The following DRG2 variants were observed in gnomAD, a reference collection of about 807,000 sequenced individuals.
DRG2 encodes the protein developmentally regulated GTP binding protein 2, also known as developmentally-regulated GTP-binding protein 2.
DRG2 carries 36 observed loss-of-function variants against 53.4 expected under a neutral mutation model. The observed-to-expected ratio is 0.67, with a 90% confidence interval of 0.52 to 0.89. The LOEUF is 0.89. Among genes scored for constraint, DRG2 ranks in the 40% least tolerant of loss-of-function variants. The pLI is 0.00. For missense variants in DRG2, 342 were observed against 481.2 expected (o/e 0.71, Z 2.71); for synonymous variants, 167 against 192.1 (o/e 0.87, Z 1.08).
Position 18,100,917 on chromosome 17 carries a change from T to G in DRG2, c.631+258T>G, listed in dbSNP as rs984013609. The stretch of plus-strand genomic sequence containing the variant: ...TGACATCCGGAAGAAAAAGATGTCA[T>G]GGGAAACAGCCTCTGAGGACGGGGG... On this transcript the variant is annotated intron_variant, in intron 7 of 12. Transcript: ENST00000225729. The surrounding 1 kb of genome is among the most constrained non-coding windows in gnomAD (Gnocchi z 4.1). Among the ~76,000 whole-genome samples, 1 of 152,086 alleles carries G rather than the reference T, an allele frequency of 6.6e-6. No individual in the cohort carries two copies. The highest frequency in any genetic ancestry group is 1.9e-4 in the East Asian group (1 of 5,184).
chr17:18,096,437 A>G, intron 2 of DRG2: 1 of 152,134 alleles, frequency 6.6e-6, no homozygotes, highest in Non-Finnish European at 1.5e-5. Flanking sequence ...AACCCATACC[A>G]TGTTCTTTTG....
chr17:18,104,152 A>G (rs1367965409), intron 10 of DRG2, among the ~76,000 whole-genome samples: 4 of 152,012 alleles, frequency 2.6e-5, no homozygotes, highest in Non-Finnish European at 5.9e-5. Flanking sequence ...CTACCGCAGG[A>G]GCATTAGGGA....
At position 18,103,459 on chromosome 17, in the gene DRG2, G is replaced by T. The variant is rs547261059; in HGVS notation, c.807-342G>T. ...GCTCCTCTCAAGGAGTGAACTCTGG[G>T]TGTCAGGGTTCCTAGCCTTTGCCCA... On this transcript the variant is annotated intron_variant, in intron 9 of 12. Coordinates refer to ENST00000225729, the MANE Select transcript of DRG2 (RefSeq NM_001388.5). This position sits in a 1 kb window ranked among gnomAD's most constrained non-coding sequence, Gnocchi z 4.4. Among the ~76,000 whole-genome samples the T allele has an allele frequency of 6.6e-6, 1 of 152,116 alleles. No individual in the cohort carries two copies. The highest frequency in any genetic ancestry group is 2.4e-5 in the African/African-American group (1 of 41,408).
Position 18,103,908 on chromosome 17 carries a change from A to G in DRG2, c.895+19A>G. On this transcript the variant is annotated intron_variant, in intron 10 of 12. Coordinates refer to ENST00000225729, the MANE Select transcript of DRG2 (RefSeq NM_001388.5). The surrounding 1 kb of genome is among the most constrained non-coding windows in gnomAD (Gnocchi z 4.4). ...AGAGGACGTGAGTTGCACTGCGCGT[A>G]GCTGAAAAACAGGCTGAGCTTCATC... The G allele has an allele frequency of 6.2e-7, 1 of 1,612,750 alleles. No homozygotes were observed. Among genetic ancestry groups the G allele is most frequent in the Non-Finnish European group, 8.5e-7 (1 of 1,178,916 alleles).
At chr17:18,093,998 C>T (rs1251168434) in intron 2 of DRG2, 25 bp downstream of exon 2, 10 of 1,596,282 alleles carry the variant, frequency 6.3e-6, no homozygotes, top group African/African-American at 2.7e-5. Context: ...GTGTGGGCCT[C>T]GGGGAGGAAA....
chr17:18,096,726 G>A (rs1205542369), intron 2 of DRG2: 3 of 151,556 alleles, frequency 2.0e-5, no homozygotes, highest in African/African-American at 7.3e-5. Flanking sequence ...GCAGGGCAAA[G>A]TGAAGTGGGA....
intron 11 of DRG2, 44 bp downstream of exon 11, chr17:18,104,725 A>G (rs564569751): frequency 1.2e-6 from 2 of 1,613,256 alleles, no homozygotes; most frequent in Non-Finnish European, 1.7e-6. Flanking sequence ...GGAGCTCTGC[A>G]TGCCCTTTGG....
rs2045504521 is a variant in DRG2 at position 18,100,162 on chromosome 17, A to C, written c.468-201A>C. 1.7e-5 allele frequency: 11 copies of C among 629,286 alleles called. No individual in the cohort carries two copies. The South Asian group carries it at 2.1e-4, about 12-fold the overall frequency. 39.0% of individuals were successfully genotyped at this position (629,286 alleles called of 1,614,324 possible). ...GTGCATGCCGACCGTAAACCGGGCC[A>C]GTCCCCTCTGGGACTGTGGCAGAGT... is the stretch of plus-strand genomic sequence containing the variant. On this transcript the variant is annotated intron_variant, in intron 5 of 12. Transcript: ENST00000225729. The surrounding 1 kb of genome is among the most constrained non-coding windows in gnomAD (Gnocchi z 4.1).
intron 1 of DRG2, among the ~76,000 whole-genome samples, chr17:18,089,999 G>A (rs2045285713): frequency 6.6e-6 from 1 of 152,000 alleles, no homozygotes; most frequent in African/African-American, 2.4e-5. Context: ...TCTGGCTGCT[G>A]TAATATTCCA....
chr17:18,106,902 A>G (rs1029761803), intron 12 of DRG2, among the ~76,000 whole-genome samples: 3 of 152,068 alleles, frequency 2.0e-5, no homozygotes, highest in Admixed American at 1.3e-4. Flanking sequence ...GGCTGTCTCA[A>G]ACACCTGAGC....
chr17:18,099,231 A>G lies in DRG2; in HGVS notation c.376+154A>G. On this transcript the variant is annotated intron_variant, in intron 4 of 12. Transcript: ENST00000225729. The surrounding 1 kb of genome is among the most constrained non-coding windows in gnomAD (Gnocchi z 4.4). ...TTCCAGTTCAAATCCTTGGCACCAA[A>G]CTAGCCTTGTGATCTTGGGCAAGTG... is the stretch of plus-strand genomic sequence containing the variant. 2.1e-6 allele frequency: 2 copies of G among 975,512 alleles called. No homozygotes were observed. Among genetic ancestry groups the G allele is most frequent in the Non-Finnish European group, 3.0e-6 (2 of 661,150 alleles). 60.4% of individuals were successfully genotyped at this position (975,512 alleles called of 1,614,324 possible).
intron 1 of DRG2, 122 bp from the exon 2 acceptor site, chr17:18,093,691 T>C: frequency 8.6e-7 from 1 of 1,157,080 alleles, no homozygotes; most frequent in Non-Finnish European, 1.2e-6. Context: ...TTTTTTTTTT[T>C]CTCCTGATCT....
In DRG2 at chr17:18,103,400, C is replaced by CTG. The variant is rs1232071736; in HGVS notation, c.807-400_807-399dup. Reference sequence around the variant, plus strand: ...GAGCCTTGGTTCTCCCCTCTTCTTGCTGAAATCCCTGCTGGACTTCCTGGC... The same window carrying CTG: ...GAGCCTTGGTTCTCCCCTCTTCTTGCTGTGAAATCCCTGCTGGACTTCCTGGC... On this transcript the variant is annotated intron_variant, in intron 9 of 12. Transcript: ENST00000225729. The surrounding 1 kb of genome is among the most constrained non-coding windows in gnomAD (Gnocchi z 4.4). 1.3e-5 allele frequency among the ~76,000 whole-genome samples: 2 copies of CTG among 152,174 alleles called. No individual in the cohort carries two copies. The highest frequency in any genetic ancestry group is 1.3e-4 in the Admixed American group (2 of 15,276).
intron 10 of DRG2, among the ~76,000 whole-genome samples, chr17:18,104,396 A>G (rs1442570554): frequency 6.6e-6 from 1 of 152,182 alleles, no homozygotes; most frequent in Non-Finnish European, 1.5e-5. Context: ...GGTGGCAGGC[A>G]CTGTGAATCC....
At chr17:18,089,729 A>AC (rs1269093874) in intron 1 of DRG2, among the ~76,000 whole-genome samples, 1 of 152,136 alleles carries the variant, frequency 6.6e-6, no homozygotes, top group Non-Finnish European at 1.5e-5. Flanking sequence ...AAAAGAAGGA[A>AC]CCGGTCACGC....
chr17:18,098,931 G>A lies in DRG2; in HGVS notation c.316-86G>A. ...GTTTCCCTCAGCCCCTGAGCCCCGGGGCCATTCCAGATGTCCCAGATCCAG... is the reference window on the plus strand; with the variant it reads ...GTTTCCCTCAGCCCCTGAGCCCCGGAGCCATTCCAGATGTCCCAGATCCAG... On this transcript the variant is annotated intron_variant, in intron 3 of 12. Coordinates refer to ENST00000225729, the MANE Select transcript of DRG2 (RefSeq NM_001388.5). The surrounding 1 kb of genome is among the most constrained non-coding windows in gnomAD (Gnocchi z 4.1). The A allele has an allele frequency of 6.6e-7, 1 of 1,506,548 alleles. No individual in the cohort carries two copies. Among genetic ancestry groups the A allele is most frequent in the Admixed American group, 1.7e-5 (1 of 57,830 alleles). 93.3% of individuals were successfully genotyped at this position (1,506,548 alleles called of 1,614,324 possible).
Position 18,099,720 on chromosome 17 carries a change from A to G in DRG2, c.464A>G (p.Gln155Arg). ...MMLDATKGEV[Q>R]RSLLEKELES... Reference sequence around the variant, plus strand: ...CTGGATGCCACCAAGGGAGAGGTGCAGAGGTCCGCAGGGTGGGGCATGGGG... The same window carrying G: ...CTGGATGCCACCAAGGGAGAGGTGCGGAGGTCCGCAGGGTGGGGCATGGGG... Residue 155 changes from glutamine (Q) to arginine (R), a missense_variant, in exon 5 of 13, where the codon CAG becomes CGG. Transcript: ENST00000225729. The surrounding 1 kb of genome is among the most constrained non-coding windows in gnomAD (Gnocchi z 4.4). 6.2e-7 allele frequency: 1 copy of G among 1,601,340 alleles called. No individual in the cohort carries two copies. Among genetic ancestry groups the G allele is most frequent in the Non-Finnish European group, 8.5e-7 (1 of 1,175,012 alleles).
Position 18,100,820 on chromosome 17 carries a change from C to T in DRG2, c.631+161C>T, listed in dbSNP as rs1346443522. Among the ~76,000 whole-genome samples the T allele has an allele frequency of 2.0e-5, 3 of 152,202 alleles. No homozygotes were observed. The highest frequency in any genetic ancestry group is 7.2e-5 in the African/African-American group (3 of 41,440). ...AGCCTCTGGGCAAGCTCCAGACTGC[C>T]AGGTCTGCAGCCGTGCACTTGACAA... is the stretch of plus-strand genomic sequence containing the variant. On this transcript the variant is annotated intron_variant, in intron 7 of 12. Coordinates refer to ENST00000225729, the MANE Select transcript of DRG2 (RefSeq NM_001388.5). This position sits in a 1 kb window ranked among gnomAD's most constrained non-coding sequence, Gnocchi z 4.1.
chr17:18,098,699 G>A lies in DRG2; in HGVS notation c.316-318G>A, dbSNP rs1244366763. 6.6e-6 allele frequency among the ~76,000 whole-genome samples: 1 copy of A among 152,236 alleles called. No individual in the cohort carries two copies. Among genetic ancestry groups the A allele is most frequent in the African/African-American group, 2.4e-5 (1 of 41,460 alleles). On this transcript the variant is annotated intron_variant, in intron 3 of 12. Coordinates refer to ENST00000225729, the MANE Select transcript of DRG2 (RefSeq NM_001388.5). This position sits in a 1 kb window ranked among gnomAD's most constrained non-coding sequence, Gnocchi z 4.1. ...CCATGAAGCTTCACTGCCTTGGGCT[G>A]TGTTTGCTTTGGGCAGCTGAGTGGT... is the stretch of plus-strand genomic sequence containing the variant.
Sources: allele counts gnomAD v4.1 joint callset (sites outside exome capture counted in the v4.1 genomes callset), GRCh38; gene constraint gnomAD v4.1.1; non-coding constraint Gnocchi (gnomAD v3.1); transcripts MANE v1.5; gene names NCBI Gene and HGNC (gene_info 2026-07-23, HGNC 2026-07-21).